The following FUS variants were observed in gnomAD, a reference collection of about 807,000 sequenced individuals.
The protein encoded by FUS is RNA-binding protein FUS.
Under a neutral mutation model 82.7 loss-of-function variants are expected in FUS, and 5 were observed. The observed-to-expected ratio is 0.06, with a 90% confidence interval of 0.03 to 0.13. The LOEUF is 0.13. Ranked by LOEUF, FUS falls within the 10% of genes least tolerant of loss-of-function variation. The pLI, the probability that FUS is intolerant of heterozygous loss-of-function variation, is 1.00. For missense variants in FUS, 512 were observed against 707.8 expected, an observed-to-expected ratio of 0.72 and a Z score of 3.14; for synonymous variants, 281 against 247.4, an observed-to-expected ratio of 1.14 and a Z score of -1.27.
intron 14 of FUS, 139 bp from the exon 15 acceptor site, chr16:31,191,260 C>A: frequency 1.4e-6 from 2 of 1,468,326 alleles, no homozygotes; most frequent in South Asian, 1.2e-5. Flanking sequence ...AAAATTAACT[C>A]AGGGGGAGTG....
chr16:31,191,669 A>C (rs751838258), downstream of FUS: 6 of 697,024 alleles, frequency 8.6e-6, no homozygotes, highest in African/African-American at 1.8e-5. Context: ...GAAGGTAGAG[A>C]GTTTTCCTGT....
At chr16:31,187,446 A>G (rs2079287572) in intron 7 of FUS, 1 of 232,818 alleles carries the variant, frequency 4.3e-6, no homozygotes, top group Admixed American at 5.3e-5. Context: ...GCTCATGGGA[A>G]ATAACCAGGT....
intron 1 of FUS, among the ~76,000 whole-genome samples, chr16:31,181,456 G>T (rs1034920257): frequency 3.3e-5 from 5 of 152,202 alleles, no homozygotes; most frequent in Non-Finnish European, 5.9e-5. Flanking sequence ...CAGGGCTGGG[G>T]ACTCGAGTAC....
At chr16:31,190,423 T>C (rs756372684) in intron 12 of FUS, 25 bp downstream of exon 12, 7 of 1,614,096 alleles carry the variant, frequency 4.3e-6, no homozygotes, top group South Asian at 2.2e-5. Flanking sequence ...ATTTTTTTCT[T>C]AGTTCTCTTG....
chr16:31,183,745 C>G, intron 3 of FUS, 113 bp from the exon 4 acceptor site: 1 of 1,331,588 alleles, frequency 7.5e-7, no homozygotes, highest in Non-Finnish European at 1.1e-6. Context: ...ACATCACTAA[C>G]AGCTTCTGAG....
chr16:31,184,149 T>G, intron 4 of FUS, 60 bp from the exon 5 acceptor site: 1 of 1,613,884 alleles, frequency 6.2e-7, no homozygotes, highest in Non-Finnish European at 8.5e-7. Context: ...CCACTAAAAG[T>G]GAAAGGAAAT....
chr16:31,193,103 C>T (rs1016372133), downstream of FUS: 1 of 483,720 alleles, frequency 2.1e-6, no homozygotes, highest in Non-Finnish European at 4.1e-6. Context: ...CCATGCCCAG[C>T]TAATTTATTT....
chr16:31,185,099 C>CGGT lies in FUS; in HGVS notation c.691_693dup (p.Gly231dup), dbSNP rs757651881. The CGGT allele has an allele frequency of 3.6e-5, 57 of 1,601,764 alleles. No individual in the cohort carries two copies. The highest frequency in any genetic ancestry group is 2.9e-4 in the South Asian group (26 of 90,174). ...GCAGTGGTGGCGGCGGCGGCGGCGG[C>CGGT]GGTGGTGGTTACAACCGCAGCAGTG... On this transcript the variant is annotated inframe_insertion, in exon 6 of 15. Coordinates refer to ENST00000254108, the MANE Select transcript of FUS (RefSeq NM_004960.4).
At chr16:31,190,681 C>G (rs560664098) in intron 12 of FUS, 61 bp from the exon 13 acceptor site, 2 of 1,471,038 alleles carry the variant, frequency 1.4e-6, no homozygotes, top group East Asian at 2.3e-5. Context: ...TAGTTTCTTC[C>G]TAGTTCTAGG....
chr16:31,190,318 T>C lies in FUS; in HGVS notation c.1212T>C (p.Gly404=), dbSNP rs777874934. 5.6e-6 allele frequency: 9 copies of C among 1,613,894 alleles called. No individual in the cohort carries two copies. Among genetic ancestry groups the C allele is most frequent in the Non-Finnish European group, 5.9e-6 (7 of 1,179,910 alleles). Residue 404 remains glycine, a synonymous_variant, in exon 12 of 15, where the codon GGT becomes GGC. Transcript: ENST00000254108. Reference sequence around the variant, plus strand: ...GCTATGGAGGTGGTGGCAGTGGTGGTGGTGGCCGAGGAGGATTTCCCAGTG... The same window carrying C: ...GCTATGGAGGTGGTGGCAGTGGTGGCGGTGGCCGAGGAGGATTTCCCAGTG... ...RGGYGGGGSG[G]GGRGGFPSGG...
At chr16:31,193,855 G>A (rs559560447), downstream of FUS, 1 of 523,268 alleles carries the variant, frequency 1.9e-6, no homozygotes. Flanking sequence ...TCACTGGGTT[G>A]CCCAGGCTGG....
intron 11 of FUS, 35 bp from the exon 12 acceptor site, chr16:31,190,240 A>T: frequency 6.2e-7 from 1 of 1,613,868 alleles, no homozygotes; most frequent in Non-Finnish European, 8.5e-7. Flanking sequence ...AAACTTGGAG[A>T]GGGAGCAGAC....
chr16:31,185,616 C>T (rs2079257989), intron 6 of FUS: 1 of 501,020 alleles, frequency 2.0e-6, no homozygotes, highest in East Asian at 4.4e-5. Flanking sequence ...ACTTCAGCTT[C>T]CAGGAATTGG....
chr16:31,185,146 G>A lies in FUS; in HGVS notation c.731G>A (p.Arg244His), dbSNP rs1019507445. Residue 244 changes from arginine (R) to histidine (H), a missense_variant, in exon 6 of 15, where the codon CGT becomes CAT. Physicochemically the swap from Arg to His is conservative, Grantham distance 29 (BLOSUM62 0). Transcript: ENST00000254108. ...AGTGGTGGCTATGAACCCAGAGGTC[G>A]TGGAGGTGGCCGTGGAGGCAGAGGT... is the stretch of plus-strand genomic sequence containing the variant. ...RSSGGYEPRG[R>H]GGGRGGRGGM... 25 of 1,610,738 alleles carry A rather than the reference G, an allele frequency of 1.6e-5. No homozygotes were observed. The highest frequency in any genetic ancestry group is 2.0e-5 in the Non-Finnish European group (23 of 1,178,454).
At position 31,182,445 on chromosome 16, in the gene FUS, C is replaced by T. The variant is rs779510461; in HGVS notation, c.38+23C>T. 3.1e-6 allele frequency: 5 copies of T among 1,614,060 alleles called. No individual in the cohort carries two copies. In the South Asian group the frequency reaches 4.4e-5, roughly 14 times the overall value. ...AAGGTGAGTGCTATTTTTGGGCTTC[C>T]AGAGTTTGTAGAGGGCAAGGGTGGT... is the stretch of plus-strand genomic sequence containing the variant. On this transcript the variant is annotated intron_variant, in intron 2 of 14. Coordinates refer to ENST00000254108, the MANE Select transcript of FUS (RefSeq NM_004960.4).
At chr16:31,180,431 A>G (rs1416850518) in intron 1 of FUS, among the ~76,000 whole-genome samples, 2 of 151,770 alleles carry the variant, frequency 1.3e-5, no homozygotes, top group Admixed American at 1.3e-4. Context: ...GCGGGGCGGG[A>G]AGTCTTTTCT....
At chr16:31,194,445 C>T, downstream of FUS, 1 of 507,150 alleles carries the variant, frequency 2.0e-6, no homozygotes, top group Non-Finnish European at 3.9e-6. Flanking sequence ...AGGCACCTGC[C>T]ACCATGACTG....
chr16:31,182,602 A>T lies in FUS; in HGVS notation c.128A>T (p.Gln43Leu). 1 of 1,614,228 alleles carries T rather than the reference A, an allele frequency of 6.2e-7. No individual in the cohort carries two copies. The highest frequency in any genetic ancestry group is 1.1e-5 in the South Asian group (1 of 91,090). ...YGQQSYSGYS[Q>L]STDTSGYGQS... Reference sequence around the variant, plus strand: ...CAGCAGAGTTACAGTGGTTATAGCCAGTCCACGGACACTTCAGGCTATGGC... The same window carrying T: ...CAGCAGAGTTACAGTGGTTATAGCCTGTCCACGGACACTTCAGGCTATGGC... The change falls in exon 3 of 15, where the codon CAG becomes CTG. Residue 43 changes from glutamine to leucine, a missense_variant. Transcript: ENST00000254108.
intron 8 of FUS, chr16:31,188,689 T>G: frequency 2.0e-6 from 1 of 494,934 alleles, no homozygotes; most frequent in Non-Finnish European, 3.6e-6. Context: ...ATGTCCAAGT[T>G]GGTGAACAAA....
Sources: allele counts gnomAD v4.1 joint callset (sites outside exome capture counted in the v4.1 genomes callset), GRCh38; gene constraint gnomAD v4.1.1; transcripts MANE v1.5; gene names NCBI Gene and HGNC (gene_info 2026-07-23, HGNC 2026-07-21).